The following HSPA12A variants were observed in gnomAD, a reference collection of about 807,000 sequenced individuals.
The protein encoded by HSPA12A is heat shock protein family A (Hsp70) member 12A, also known as heat shock 70 kDa protein 12A.
HSPA12A carries 28 observed loss-of-function variants against 69.2 expected under a neutral mutation model. The observed-to-expected ratio is 0.40, with a 90% CI of 0.30 to 0.55. The LOEUF (loss-of-function observed/expected upper bound fraction) is 0.55, where lower values mean the gene tolerates loss of function less well. Among genes scored for constraint, HSPA12A ranks in the 20% least tolerant of loss-of-function variants. The pLI is 0.38. For missense variants in HSPA12A, 686 were observed against 900.7 expected (o/e 0.76, Z 3.05); for synonymous variants, 345 against 370.5 (o/e 0.93, Z 0.79).
At chr10:116,770,401 C>T (rs193225565) in intron 2 of HSPA12A, among the ~76,000 whole-genome samples, 6 of 152,298 alleles carry the variant, frequency 3.9e-5, no homozygotes, top group East Asian at 1.9e-4. Context: ...TGTGAAGGGG[C>T]GGATCAGAGG....
chr10:116,707,128 C>G (rs1210259282), intron 2 of HSPA12A, 72 bp downstream of exon 2: 2 of 1,246,016 alleles, frequency 1.6e-6, no homozygotes, highest in African/African-American at 1.5e-5. Context: ...TCAGTACGCA[C>G]GTGTGCTCAT....
In HSPA12A at chr10:116,676,390, G is replaced by A. The variant is rs1554877696; in HGVS notation, c.1390+9C>T. On this transcript the variant is annotated intron_variant, in intron 11 of 11. Transcript: ENST00000369209. ...CCTCGCCGAGTGGCCGAGCCTGGCT[G>A]ATACTTACGGAGATGCTCAATGATG... 2 of 1,609,488 alleles carry A rather than the reference G, an allele frequency of 1.2e-6. No individual in the cohort carries two copies. The highest frequency in any genetic ancestry group is 1.7e-6 in the Non-Finnish European group (2 of 1,176,360).
intron 1 of HSPA12A, among the ~76,000 whole-genome samples, chr10:116,722,891 G>T (rs1256437121): frequency 6.6e-6 from 1 of 152,150 alleles, no homozygotes; most frequent in African/African-American, 2.4e-5. Context: ...TGAAGGGGGT[G>T]GGGGAAGGTA....
chr10:116,764,498 T>C (rs1589692009), intron 2 of HSPA12A, among the ~76,000 whole-genome samples: 1 of 152,284 alleles, frequency 6.6e-6, no homozygotes, highest in East Asian at 1.9e-4. Flanking sequence ...AAAGAGAGTA[T>C]TCTATGTTTT....
rs1316824112 is a variant in HSPA12A at position 116,701,063 on chromosome 10, G to A, written c.321C>T (p.Pro107=). ...ACCCGAAGCTGTGGAACTTCCTCTC[G>A]GGAGTCAGCAAGATGGTGGTTGGAG... is the stretch of plus-strand genomic sequence containing the variant. The part of the protein sequence containing the change: ...QKTPTTILLT[P]ERKFHSFGYA... Residue 107 remains proline, a synonymous_variant, in exon 4 of 12, where the codon CCC becomes CCT. Transcript: ENST00000369209. The A allele has an allele frequency of 6.2e-6, 10 of 1,614,010 alleles. No homozygotes were observed. Among genetic ancestry groups the A allele is most frequent in the East Asian group, 2.2e-5 (1 of 44,872 alleles).
At chr10:116,716,463 GGT>G (rs1442582074) in intron 1 of HSPA12A, among the ~76,000 whole-genome samples, 2 of 151,816 alleles carry the variant, frequency 1.3e-5, no homozygotes, top group African/African-American at 2.4e-5. Context: ...TGGGGTGGGG[GGT>G]GTGTATGTGT....
chr10:116,715,901 CCAAA>C (rs1441156447), intron 1 of HSPA12A, among the ~76,000 whole-genome samples: 2 of 152,180 alleles, frequency 1.3e-5, no homozygotes, highest in East Asian at 3.8e-4. Context: ...TGAAGGGCTC[CCAAA>C]CATCAGGCTT....
At chr10:116,849,717 GTCTACGGGC>G in exon 1 of HSPA12A, 1 of 1,529,558 alleles carries the variant, frequency 6.5e-7, no homozygotes, top group South Asian at 1.2e-5. Flanking sequence ...GCCTGCCGAC[GTCTACGGGC>G]ACCTGGTAGG....
At chr10:116,705,049 A>G (rs1850198809) in intron 3 of HSPA12A, 102 bp downstream of exon 3, 3 of 1,407,680 alleles carry the variant, frequency 2.1e-6, no homozygotes, top group South Asian at 1.3e-5. Context: ...AACAGAATCC[A>G]GGGCCGTCTT....
At chr10:116,718,071 C>T (rs1398011814) in intron 1 of HSPA12A, among the ~76,000 whole-genome samples, 1 of 152,230 alleles carries the variant, frequency 6.6e-6, no homozygotes, top group Non-Finnish European at 1.5e-5. Flanking sequence ...CACTGGGTCA[C>T]TGTCAAGACT....
chr10:116,678,536 G>A (rs1005412828), intron 10 of HSPA12A, among the ~76,000 whole-genome samples: 3 of 140,006 alleles, frequency 2.1e-5, no homozygotes, highest in Non-Finnish European at 3.0e-5. Context: ...CTCGAGGGGC[G>A]TATCAGATAG....
At chr10:116,818,978 C>G (rs1296455897) in intron 2 of HSPA12A, among the ~76,000 whole-genome samples, 1 of 152,136 alleles carries the variant, frequency 6.6e-6, no homozygotes, top group African/African-American at 2.4e-5. Context: ...CCCTGTCACT[C>G]TCTCTCGCTG....
intron 6 of HSPA12A, among the ~76,000 whole-genome samples, chr10:116,689,407 T>C (rs1351855584): frequency 6.6e-6 from 1 of 151,962 alleles, no homozygotes; most frequent in African/African-American, 2.4e-5. Context: ...GCCCATGGGA[T>C]GGGATGCACT....
chr10:116,726,549 G>GGTT (rs1850968651), intron 1 of HSPA12A, among the ~76,000 whole-genome samples: 1 of 151,860 alleles, frequency 6.6e-6, no homozygotes, highest in African/African-American at 2.4e-5. Context: ...CTCCCCAAAG[G>GGTT]GTTGGTGTCC....
chr10:116,727,752 G>GTTTTTTTTT (rs71859215), intron 1 of HSPA12A, among the ~76,000 whole-genome samples: 2 of 131,382 alleles, frequency 1.5e-5, no homozygotes, highest in African/African-American at 2.8e-5. Context: ...ATGTAAGTGG[G>GTTTTTTTTT]TTTTTTTTTT....
intron 2 of HSPA12A, chr10:116,750,203 G>A (rs782140882): frequency 1.3e-4 from 90 of 704,734 alleles, no homozygotes; most frequent in Non-Finnish European, 2.2e-4. Flanking sequence ...ACATTGTCCT[G>A]GCCTGCTGCT....
chr10:116,741,057 T>C (rs1851489014), intron 1 of HSPA12A, among the ~76,000 whole-genome samples: 1 of 149,390 alleles, frequency 6.7e-6, no homozygotes, highest in Admixed American at 6.6e-5. Context: ...GTTCACCAGC[T>C]GAGGAAGAGT....
chr10:116,820,054 G>C (rs1303355288), intron 2 of HSPA12A, among the ~76,000 whole-genome samples: 2 of 152,028 alleles, frequency 1.3e-5, no homozygotes, highest in African/African-American at 2.4e-5. Flanking sequence ...AAACTCCCAG[G>C]CTCAAGCAAT....
rs930278093 is a variant in HSPA12A, at chr10:116,676,294, A to C, written c.1390+105T>G. The C allele has an allele frequency of 1.1e-5, 10 of 948,840 alleles. No homozygotes were observed. The African/African-American group carries it at 1.6e-4, about 15-fold the overall frequency. 58.8% of individuals were successfully genotyped at this position (948,840 alleles called of 1,614,324 possible). On this transcript the variant is annotated intron_variant, in intron 11 of 11. Coordinates refer to ENST00000369209, the MANE Select transcript of HSPA12A (RefSeq NM_025015.3). The stretch of plus-strand genomic sequence containing the variant: ...CAGGGCCCTTGCCTGTGGCTCCCAG[A>C]TCCAGGCCAACCTGACTCCACAGGC...
Sources: allele counts gnomAD v4.1 joint callset (sites outside exome capture counted in the v4.1 genomes callset), GRCh38; gene constraint gnomAD v4.1.1; transcripts MANE v1.5; gene names NCBI Gene and HGNC (gene_info 2026-07-23, HGNC 2026-07-21).